Variants in MARK1 observed in about 807,000 individuals in gnomAD.
MARK1 encodes the protein serine/threonine-protein kinase MARK1.
MARK1 carries 40 observed loss-of-function variants against 96.3 expected under a neutral mutation model. That is an observed-to-expected ratio of 0.42 (90% CI 0.32 to 0.54). The LOEUF (loss-of-function observed/expected upper bound fraction) is 0.54, where lower values mean the gene tolerates loss of function less well. Among genes scored for constraint, MARK1 ranks in the 20% least tolerant of loss-of-function variants. MARK1 has a pLI of 0.16. For missense variants in MARK1, 719 were observed against 984.6 expected (o/e 0.73, Z 3.61); for synonymous variants, 317 against 341.2 (o/e 0.93, Z 0.78).
intron 13 of MARK1, among the ~76,000 whole-genome samples, chr1:220,644,523 C>T (rs774608489): frequency 1.4e-4 from 20 of 145,686 alleles, no homozygotes; most frequent in Admixed American, 1.4e-4. Context: ...GACAGATCAC[C>T]GAGACAGAAG....
intron 13 of MARK1, among the ~76,000 whole-genome samples, chr1:220,647,175 C>T (rs1271987948): frequency 6.6e-6 from 1 of 151,996 alleles, no homozygotes; most frequent in African/African-American, 2.4e-5. Context: ...GTCTAACATC[C>T]AGAATCTACA....
intron 1 of MARK1, among the ~76,000 whole-genome samples, chr1:220,554,119 C>T (rs1662075368): frequency 6.6e-6 from 1 of 152,296 alleles, no homozygotes; most frequent in South Asian, 2.1e-4. Flanking sequence ...GACCACTAGA[C>T]TCCTGGGAAT....
At chr1:220,656,788 AT>A (rs3835573) in intron 16 of MARK1, among the ~76,000 whole-genome samples, 7,956 of 151,014 alleles carry the variant, frequency 0.053, 331 homozygotes, top group East Asian at 0.23. Context: ...AGATAGAAAA[AT>A]TTTTTTTTTC....
At chr1:220,651,944 CTCT>C (rs1448781480) in intron 14 of MARK1, 39 bp from the exon 15 acceptor site, 4 of 1,443,574 alleles carry the variant, frequency 2.8e-6, no homozygotes, top group Non-Finnish European at 3.7e-6. Context: ...ACAAATTTTC[CTCT>C]TTTTTTCCAT....
intron 1 of MARK1, among the ~76,000 whole-genome samples, chr1:220,576,398 C>T (rs1242500139): frequency 7.0e-6 from 1 of 142,918 alleles, no homozygotes; most frequent in Non-Finnish European, 1.5e-5. Context: ...CGCATACCAT[C>T]ATGTCTAACT....
chr1:220,586,009 A>ACACACACACACGCACG (rs1553322887), intron 3 of MARK1, among the ~76,000 whole-genome samples: 1 of 129,632 alleles, frequency 7.7e-6, no homozygotes, highest in African/African-American at 2.8e-5. Context: ...ACACACACAC[A>ACACACACACACGCACG]CACGCGCGCG....
In MARK1 at chr1:220,662,158, A is replaced by G; in HGVS notation, c.2380A>G (p.Lys794Glu). ...NIASKIANEL[K>E]L is the part of the protein sequence containing the mutation. ...TGCATCAAAAATAGCAAATGAGCTT[A>G]AGCTGTAAAGAAGTCCAAATTTACA... The change falls in exon 18 of 18, where the codon AAG becomes GAG. Residue 794 changes from lysine to glutamate, a missense_variant. Transcript: ENST00000366917. 6.2e-7 allele frequency: 1 copy of G among 1,607,912 alleles called. No homozygotes were observed. Among genetic ancestry groups the G allele is most frequent in the South Asian group, 1.1e-5 (1 of 91,018 alleles).
At chr1:220,584,400 G>A (rs1458262901) in intron 3 of MARK1, among the ~76,000 whole-genome samples, 2 of 152,130 alleles carry the variant, frequency 1.3e-5, no homozygotes, top group Non-Finnish European at 2.9e-5. Context: ...AATGTGAATC[G>A]CTTTGCTAGG....
rs368504296 is a variant in MARK1 at position 220,631,018 on chromosome 1, T to C, written c.910-17T>C. ...ATGTTCTGATTGACCACACATAATG[T>C]AGAGTTTATTTCCTAGCAAATAATG... On this transcript the variant is annotated splice_polypyrimidine_tract_variant and intron_variant, in intron 9 of 17. Coordinates refer to ENST00000366917, the MANE Select transcript of MARK1 (RefSeq NM_018650.5). 15 of 1,537,088 alleles carry C rather than the reference T, an allele frequency of 9.8e-6. No individual in the cohort carries two copies. Among genetic ancestry groups the C allele is most frequent in the Non-Finnish European group, 1.2e-5 (13 of 1,111,450 alleles).
chr1:220,596,465 A>G lies in MARK1; in HGVS notation c.310-1866A>G, dbSNP rs568553230. Among the ~76,000 whole-genome samples the G allele has an allele frequency of 3.9e-5, 6 of 152,302 alleles. No homozygotes were observed. In the South Asian group the frequency reaches 1.0e-3, roughly 26 times the overall value. On this transcript the variant is annotated intron_variant, in intron 3 of 17. Transcript: ENST00000366917. ...ATGAATCCACCTTTATATTTTATTT[A>G]CTGATAGGTAATTTTTAATTATTAA...
chr1:220,583,580 A>T (rs1338071430), intron 3 of MARK1, among the ~76,000 whole-genome samples: 1 of 151,944 alleles, frequency 6.6e-6, no homozygotes, highest in East Asian at 1.9e-4. Context: ...TCCTCTTCAA[A>T]GCATTAGTTC....
In MARK1 at chr1:220,555,662, A is replaced by G. The variant is rs140240864; in HGVS notation, c.52-23692A>G. The stretch of plus-strand genomic sequence containing the variant: ...CTATTCTGTGAGAGGAGCAAATTTG[A>G]TATTTGGAAATTAAGTTATGTTTGG... On this transcript the variant is annotated intron_variant, in intron 1 of 17. Transcript: ENST00000366917. 2.0e-3 allele frequency among the ~76,000 whole-genome samples: 311 copies of G among 152,284 alleles called. 1 individual carries two copies. Among genetic ancestry groups the G allele is most frequent in the African/African-American group, 7.1e-3 (293 of 41,560 alleles).
At chr1:220,622,000 C>T (rs1667076420) in intron 9 of MARK1, among the ~76,000 whole-genome samples, 1 of 152,084 alleles carries the variant, frequency 6.6e-6, no homozygotes, top group Non-Finnish European at 1.5e-5. Flanking sequence ...TAGACATAAG[C>T]AAACAGTTAT....
chr1:220,621,203 G>A (rs1667033944), intron 9 of MARK1, among the ~76,000 whole-genome samples: 1 of 151,770 alleles, frequency 6.6e-6, no homozygotes, highest in African/African-American at 2.4e-5. Flanking sequence ...TAATAGCTAT[G>A]TTATTCTCCT....
intron 3 of MARK1, among the ~76,000 whole-genome samples, chr1:220,591,504 A>G (rs1664977886): frequency 6.6e-6 from 1 of 152,242 alleles, no homozygotes; most frequent in African/African-American, 2.4e-5. Flanking sequence ...CCCAGAAACC[A>G]GCATGGCTTA....
At position 220,597,609 on chromosome 1, in the gene MARK1, C is replaced by T. The variant is rs1041960638; in HGVS notation, c.310-722C>T. Among the ~76,000 whole-genome samples the T allele has an allele frequency of 3.9e-4, 59 of 152,126 alleles. 1 individual carries two copies. Among genetic ancestry groups the T allele is most frequent in the Non-Finnish European group, 2.9e-5 (2 of 68,020 alleles). ...AAATGCATATGTCTTAATATACTTTCAGAATATCACCAATTTTTGGTTCTC... is the reference window on the plus strand; with the variant it reads ...AAATGCATATGTCTTAATATACTTTTAGAATATCACCAATTTTTGGTTCTC... On this transcript the variant is annotated intron_variant, in intron 3 of 17. Transcript: ENST00000366917.
chr1:220,618,538 A>C lies in MARK1; in HGVS notation c.781A>C (p.Asn261His), dbSNP rs753571585. Residue 261 changes from asparagine to histidine, a missense_variant, in exon 8 of 18, where the codon AAT becomes CAT. Physicochemically the swap from Asn to His is moderately conservative, Grantham distance 68 (BLOSUM62 1). This residue lies in a region of MARK1 where 96 missense variants were observed against 213.1 expected (regional missense o/e 0.45). Coordinates refer to ENST00000366917, the MANE Select transcript of MARK1 (RefSeq NM_018650.5). The surrounding 1 kb of genome is among the most constrained non-coding windows in gnomAD (Gnocchi z 4.6). ...TGGCTCCTTGCCTTTCGATGGCCAGAATTTAAAGGTATCAGCTAAATTCTT... is the reference window on the plus strand; with the variant it reads ...TGGCTCCTTGCCTTTCGATGGCCAGCATTTAAAGGTATCAGCTAAATTCTT... ...VSGSLPFDGQ[N>H]LKELRERVLR... 6.2e-7 allele frequency: 1 copy of C among 1,614,048 alleles called. No individual in the cohort carries two copies. The highest frequency in any genetic ancestry group is 1.7e-5 in the Admixed American group (1 of 60,006).
At chr1:220,542,719 T>C (rs1362791493) in intron 1 of MARK1, among the ~76,000 whole-genome samples, 1 of 152,182 alleles carries the variant, frequency 6.6e-6, no homozygotes, top group Non-Finnish European at 1.5e-5. Flanking sequence ...TATGTTTGTT[T>C]ACTTGTTTTT....
chr1:220,628,718 G>C (rs571617525), intron 9 of MARK1, among the ~76,000 whole-genome samples: 33 of 152,084 alleles, frequency 2.2e-4, no homozygotes, highest in African/African-American at 7.5e-4. Flanking sequence ...AGCATCCTCT[G>C]TAGGCTAAGG....
Sources: gnomAD v4.1 joint callset for allele counts (sites outside exome capture counted in the v4.1 genomes callset) on GRCh38, gnomAD v4.1.1 for gene constraint, gnomAD v4.1.1 regional missense constraint, Gnocchi (gnomAD v3.1) non-coding constraint, MANE v1.5 for transcripts, NCBI Gene and HGNC (gene_info 2026-07-23, HGNC 2026-07-21) for gene names.